GLIS3: variants seen among roughly 807,000 people sequenced by gnomAD.
GLIS3 encodes zinc finger protein GLIS3.
In GLIS3, 53 loss-of-function variants were observed where a neutral mutation model predicts 78.6. That is an observed-to-expected ratio of 0.67 (90% CI 0.54 to 0.85). The LOEUF is 0.85. Ranked by LOEUF, GLIS3 falls within the 40% of genes least tolerant of loss-of-function variation. The pLI, the probability that GLIS3 is intolerant of heterozygous loss-of-function variation, is 0.00. For synonymous variants in GLIS3, 684 were observed against 509.9 expected (o/e 1.34, Z -4.60); for missense variants, 1,703 against 1,231.1 (o/e 1.38, Z -5.74).
chr9:4,378,365 T>C, the GLIS3 span, among the ~76,000 whole-genome samples: 6 of 152,204 alleles, frequency 3.9e-5, no homozygotes, highest in African/African-American at 1.4e-4. Flanking sequence ...ATATTTCAGA[T>C]ACACTGAAAA....
intron 4 of GLIS3, among the ~76,000 whole-genome samples, chr9:4,108,001 G>A (rs1234038291): frequency 1.3e-5 from 2 of 152,054 alleles, no homozygotes; most frequent in African/African-American, 2.4e-5. Flanking sequence ...TATGTTAATC[G>A]TTGAGCCACG....
chr9:3,846,659 C>A (rs1244620845), intron 9 of GLIS3, among the ~76,000 whole-genome samples: 1 of 152,190 alleles, frequency 6.6e-6, no homozygotes, highest in Non-Finnish European at 1.5e-5. Flanking sequence ...GGACTGGTAT[C>A]TATGGGCACT....
intron 4 of GLIS3, among the ~76,000 whole-genome samples, chr9:3,991,957 T>C (rs758496508): frequency 3.3e-5 from 5 of 152,192 alleles, no homozygotes; most frequent in Non-Finnish European, 7.3e-5. Flanking sequence ...CCCAAAGTGC[T>C]GGGATTACAG....
intron 2 of GLIS3, among the ~76,000 whole-genome samples, chr9:4,236,625 C>G (rs1311166833): frequency 6.6e-6 from 1 of 152,132 alleles, no homozygotes; most frequent in Non-Finnish European, 1.5e-5. Context: ...CACCACATGA[C>G]CAAACATAAT....
At chr9:4,046,033 A>C (rs1825221429) in intron 4 of GLIS3, among the ~76,000 whole-genome samples, 1 of 152,304 alleles carries the variant, frequency 6.6e-6, no homozygotes, top group South Asian at 2.1e-4. Flanking sequence ...GCAAATTTTA[A>C]TTTCACTCAG....
intron 4 of GLIS3, among the ~76,000 whole-genome samples, chr9:4,050,413 C>A (rs1825654375): frequency 6.6e-6 from 1 of 151,982 alleles, no homozygotes; most frequent in South Asian, 2.1e-4. Context: ...CACTTGTACA[C>A]AGGGCGGGGA....
At chr9:4,177,823 A>G (rs1322097785) in intron 2 of GLIS3, among the ~76,000 whole-genome samples, 2 of 152,198 alleles carry the variant, frequency 1.3e-5, no homozygotes, top group African/African-American at 4.8e-5. Context: ...GCAGTACTGA[A>G]TAAGCTATGC....
intron 2 of GLIS3, among the ~76,000 whole-genome samples, chr9:4,219,283 TCAAA>T (rs1351038417): frequency 6.6e-6 from 1 of 152,254 alleles, no homozygotes; most frequent in East Asian, 1.9e-4. Context: ...ATTTAGGTCT[TCAAA>T]CAATCTTAGC....
At chr9:3,901,634 C>A (rs776017323) in intron 6 of GLIS3, among the ~76,000 whole-genome samples, 3 of 152,160 alleles carry the variant, frequency 2.0e-5, no homozygotes, top group Non-Finnish European at 2.9e-5. Flanking sequence ...GAGACAAATG[C>A]ATGTCCAGGT....
At chr9:4,115,736 C>T (rs1024260286) in intron 4 of GLIS3, among the ~76,000 whole-genome samples, 1 of 152,056 alleles carries the variant, frequency 6.6e-6, no homozygotes, top group Non-Finnish European at 1.5e-5. Context: ...AAATATATAG[C>T]CCCAGAACTA....
chr9:4,268,995 T>C (rs1409894134), intron 2 of GLIS3, among the ~76,000 whole-genome samples: 1 of 152,228 alleles, frequency 6.6e-6, no homozygotes, highest in Non-Finnish European at 1.5e-5. Context: ...TATTAAATTC[T>C]CTATGTTAAA....
chr9:3,877,046 G>A (rs926364927), intron 8 of GLIS3, among the ~76,000 whole-genome samples: 2 of 152,010 alleles, frequency 1.3e-5, no homozygotes, highest in Admixed American at 6.5e-5. Flanking sequence ...CTCAATGATC[G>A]TTTTTGTCTT....
At chr9:3,881,275 T>A (rs1315989662) in intron 7 of GLIS3, among the ~76,000 whole-genome samples, 1 of 149,998 alleles carries the variant, frequency 6.7e-6, no homozygotes, top group Non-Finnish European at 1.5e-5. Flanking sequence ...CACAGCTAAC[T>A]TTTTTTTTTC....
rs1013693973 is a variant in GLIS3, at chr9:4,039,636, G to C, written c.1710+78132C>G. 9.9e-5 allele frequency among the ~76,000 whole-genome samples: 15 copies of C among 152,278 alleles called. 2 individuals carry two copies. The highest frequency in any genetic ancestry group is 9.2e-4 in the Admixed American group (14 of 15,292). The stretch of plus-strand genomic sequence containing the variant: ...TCGTCCAAGGAAACACCACTATTTA[G>C]TGCCAAAGCCTGACCCAGAGCCTGC... On this transcript the variant is annotated intron_variant, in intron 4 of 10. Coordinates refer to ENST00000381971, the MANE Select transcript of GLIS3 (RefSeq NM_001042413.2).
chr9:4,415,316 C>A, the GLIS3 span, among the ~76,000 whole-genome samples: 1 of 152,160 alleles, frequency 6.6e-6, no homozygotes, highest in Non-Finnish European at 1.5e-5. Flanking sequence ...TCAGTCCTGG[C>A]AGGGTAAATA....
chr9:4,486,961 G>T, the GLIS3 span, among the ~76,000 whole-genome samples: 1 of 152,158 alleles, frequency 6.6e-6, no homozygotes, highest in Non-Finnish European at 1.5e-5. Flanking sequence ...GCCTCCCAAA[G>T]TGCTGGGAAT....
chr9:4,261,421 G>C (rs549972691), intron 2 of GLIS3, among the ~76,000 whole-genome samples: 6 of 152,244 alleles, frequency 3.9e-5, no homozygotes, highest in Admixed American at 1.3e-4. Context: ...GAGAACAGAA[G>C]GGATGGTGAA....
chr9:4,150,143 C>A (rs902405436), intron 2 of GLIS3, among the ~76,000 whole-genome samples: 1 of 152,168 alleles, frequency 6.6e-6, no homozygotes, highest in Non-Finnish European at 1.5e-5. Context: ...ACCTCCCATA[C>A]AGACCCAAAG....
intron 4 of GLIS3, among the ~76,000 whole-genome samples, chr9:3,941,528 C>A (rs961026272): frequency 6.6e-6 from 1 of 152,148 alleles, no homozygotes; most frequent in African/African-American, 2.4e-5. Flanking sequence ...CCCACAAGTT[C>A]CCTCGGTGGC....
Sources: gnomAD v4.1 joint callset for allele counts (sites outside exome capture counted in the v4.1 genomes callset) on GRCh38, gnomAD v4.1.1 for gene constraint, MANE v1.5 for transcripts, NCBI Gene and HGNC (gene_info 2026-07-23, HGNC 2026-07-21) for gene names.